Variants in DDX21 observed in about 807,000 individuals in gnomAD.
The protein encoded by DDX21 is DExD-box helicase 21.
DDX21 carries 18 observed loss-of-function variants against 90.0 expected under a neutral mutation model. The observed-to-expected ratio is 0.20, with a 90% CI of 0.14 to 0.30. DDX21 has a LOEUF of 0.30. Among genes scored for constraint, DDX21 ranks in the 10% least tolerant of loss-of-function variants. The pLI, the probability that DDX21 is intolerant of heterozygous loss-of-function variation, is 1.00. For missense variants in DDX21, 673 were observed against 944.5 expected, an observed-to-expected ratio of 0.71 and a Z score of 3.77; for synonymous variants, 294 against 318.0, an observed-to-expected ratio of 0.92 and a Z score of 0.80.
chr10:68,974,686 G>A lies in DDX21; in HGVS notation c.1685G>A (p.Arg562Gln), dbSNP rs771246089. Residue 562 changes from arginine to glutamine, a missense_variant, in exon 11 of 15, where the codon CGA (arginine) becomes CAA (glutamine). Around this residue, in one of 4 missense-constraint regions of DDX21, gnomAD observed 225 missense variants for 298.8 expected, o/e 0.75. Transcript: ENST00000354185. Reference sequence around the variant, plus strand: ...TTCCTGTAGGGAATTAAGTTCAAACGAATAGGTGTTCCTTCTGCAACAGAA... The same window carrying A: ...TTCCTGTAGGGAATTAAGTTCAAACAAATAGGTGTTCCTTCTGCAACAGAA... The part of the protein sequence containing the change: ...VEQKAGIKFK[R>Q]IGVPSATEII... 1.9e-6 allele frequency: 3 copies of A among 1,613,798 alleles called. No homozygotes were observed. The highest frequency in any genetic ancestry group is 2.7e-5 in the African/African-American group (2 of 74,902).
intron 11 of DDX21, among the ~76,000 whole-genome samples, chr10:68,975,998 G>A (rs138134238): frequency 0.037 from 5,443 of 149,118 alleles, 322 homozygotes; most frequent in African/African-American, 0.13. Context: ...GCAGTGGGCC[G>A]AGATCACACC....
In DDX21 at chr10:68,982,591, C is replaced by A. The variant is rs1843207242; in HGVS notation, c.2131C>A (p.Gln711Lys). The A allele has an allele frequency of 8.1e-6, 13 of 1,613,830 alleles. No individual in the cohort carries two copies. Among genetic ancestry groups the A allele is most frequent in the Non-Finnish European group, 1.1e-5 (13 of 1,179,822 alleles). Residue 711 changes from glutamine to lysine, a missense_variant, in exon 15 of 15, where the codon CAA becomes AAA. By Grantham distance (53) the Gln-to-Lys change is moderately conservative (BLOSUM62 1). Coordinates refer to ENST00000354185, the MANE Select transcript of DDX21 (RefSeq NM_004728.4). ...RRWQLSVATE[Q>K]PELEGPREGY... Reference sequence around the variant, plus strand: ...CTGGCAGCTCTCTGTGGCCACAGAGCAACCAGAACTGGAAGGACCACGGGA... The same window carrying A: ...CTGGCAGCTCTCTGTGGCCACAGAGAAACCAGAACTGGAAGGACCACGGGA...
chr10:68,980,543 G>C (rs1481010292), intron 13 of DDX21, among the ~76,000 whole-genome samples: 1 of 152,160 alleles, frequency 6.6e-6, no homozygotes, highest in East Asian at 1.9e-4. Flanking sequence ...CCACCAGTAG[G>C]TGATGATACC....
At chr10:68,956,473 G>A in intron 1 of DDX21, 161 bp downstream of exon 1, 1 of 1,453,078 alleles carries the variant, frequency 6.9e-7, no homozygotes, top group Non-Finnish European at 9.1e-7. Flanking sequence ...GGAGTGGTGC[G>A]CTCCCCGGGC....
intron 12 of DDX21, among the ~76,000 whole-genome samples, chr10:68,978,370 T>C (rs1438860836): frequency 6.6e-6 from 1 of 152,188 alleles, no homozygotes; most frequent in East Asian, 1.9e-4. Context: ...TACTTTCAAA[T>C]GGTGAATTTT....
intron 12 of DDX21, among the ~76,000 whole-genome samples, chr10:68,978,448 A>G (rs900844015): frequency 1.3e-5 from 2 of 152,264 alleles, no homozygotes; most frequent in Non-Finnish European, 2.9e-5. Context: ...ATAAATGCAT[A>G]TAATACATTT....
At chr10:68,964,173 C>CATA in intron 4 of DDX21, 1 of 402,510 alleles carries the variant, frequency 2.5e-6, no homozygotes. Context: ...GCCAAGCCCC[C>CATA]ATATTAGGGT....
rs528712900 is a variant in DDX21, at chr10:68,970,128, C to T, written c.1237-73C>T. 2.8e-6 allele frequency: 4 copies of T among 1,405,652 alleles called. No individual in the cohort carries two copies. In the Admixed American group the frequency reaches 5.9e-5, roughly 21 times the overall value. The allele number at this position is 1,405,652 out of a possible 1,614,324, so 87.1% of individuals were successfully genotyped here. On this transcript the variant is annotated intron_variant, in intron 7 of 14. Transcript: ENST00000354185. ...CATTAGAACATTAGTGTTGTGCTCA[C>T]TGATCATTGTGTTGTGATTTTAGTT... is the stretch of plus-strand genomic sequence containing the variant.
At chr10:68,980,143 G>A (rs1328037116) in intron 13 of DDX21, among the ~76,000 whole-genome samples, 5 of 152,166 alleles carry the variant, frequency 3.3e-5, no homozygotes, top group African/African-American at 7.2e-5. Context: ...AGGAGGCTGA[G>A]GCAGGAGAAT....
intron 13 of DDX21, among the ~76,000 whole-genome samples, chr10:68,979,743 T>C (rs1052986519): frequency 1.3e-5 from 2 of 152,222 alleles, no homozygotes; most frequent in African/African-American, 4.8e-5. Context: ...TGTCTAGCCA[T>C]GTTGTTATCT....
chr10:68,963,750 G>A (rs1386822479), intron 4 of DDX21, among the ~76,000 whole-genome samples: 1 of 151,788 alleles, frequency 6.6e-6, no homozygotes, highest in African/African-American at 2.4e-5. Flanking sequence ...ATGTCCCTGG[G>A]GCTCATAGCT....
intron 2 of DDX21, among the ~76,000 whole-genome samples, chr10:68,960,861 GT>G (rs1445321955): frequency 6.6e-6 from 1 of 151,846 alleles, no homozygotes; most frequent in Non-Finnish European, 1.5e-5. Context: ...GAGAGTCTTG[GT>G]CTGCTTATTT....
chr10:68,980,858 A>C (rs1431735760), intron 13 of DDX21, among the ~76,000 whole-genome samples: 3 of 146,090 alleles, frequency 2.1e-5, no homozygotes, highest in African/African-American at 7.5e-5. Context: ...AAAAAGCCAG[A>C]TGTAGTGGCA....
At chr10:68,957,041 CA>C (rs34149138) in intron 1 of DDX21, among the ~76,000 whole-genome samples, 285 of 138,008 alleles carry the variant, frequency 2.1e-3, no homozygotes, top group Non-Finnish European at 2.0e-3. Flanking sequence ...AACTCCATCT[CA>C]AAAAAAAAAA....
In DDX21 at chr10:68,983,050, TAC is replaced by T. The variant is rs1843218303; in HGVS notation, c.*240_*241del. On this transcript the variant is annotated 3_prime_UTR_variant, in exon 15 of 15. Coordinates refer to ENST00000354185, the MANE Select transcript of DDX21 (RefSeq NM_004728.4). ...CCTTTTGAAAGGTGTATGAATTCATTACATTTTTATTCTAATGTATTATCTGT... is the reference window on the plus strand; with the variant it reads ...CCTTTTGAAAGGTGTATGAATTCATTATTTTTATTCTAATGTATTATCTGT... The T allele has an allele frequency of 3.5e-6, 2 of 567,628 alleles. No individual in the cohort carries two copies. Among genetic ancestry groups the T allele is most frequent in the East Asian group, 6.1e-5 (2 of 32,728 alleles). The allele number at this position is 567,628 out of a possible 1,614,324, so 35.2% of individuals were successfully genotyped here. A position where few individuals can be genotyped will look rare whatever the true frequency, so the allele number is the denominator to read the frequency against.
At chr10:68,958,784 A>T (rs1842835004) in intron 1 of DDX21, among the ~76,000 whole-genome samples, 1 of 152,052 alleles carries the variant, frequency 6.6e-6, no homozygotes, top group South Asian at 2.1e-4. Flanking sequence ...TATATTGTCC[A>T]TGCTTGCCTG....
In DDX21 at chr10:68,974,879, GCTGGTCTCAACTC is replaced by G. The variant is rs776620681; in HGVS notation, c.1742+147_1742+159del. ...GACAGGGTCTCACTATGTTGCCCAG[GCTGGTCTCAACTC>G]CTGGTCTCAAGCAGTCCTCCCAGCT... On this transcript the variant is annotated intron_variant, in intron 11 of 14. Coordinates refer to ENST00000354185, the MANE Select transcript of DDX21 (RefSeq NM_004728.4). 1.1e-3 allele frequency: 691 copies of G among 616,130 alleles called. 2 individuals carry two copies. Among genetic ancestry groups the G allele is most frequent in the Non-Finnish European group, 1.5e-3 (532 of 365,722 alleles). 38.2% of individuals were successfully genotyped at this position (616,130 alleles called of 1,614,324 possible). A position where few individuals can be genotyped will look rare whatever the true frequency, so the allele number is the denominator to read the frequency against.
rs548370091 is a variant in DDX21, at chr10:68,962,266, T to C, written c.607+109T>C. 39 of 747,946 alleles carry C rather than the reference T, an allele frequency of 5.2e-5. No individual in the cohort carries two copies. The South Asian group carries it at 5.7e-4, about 11-fold the overall frequency. 46.3% of individuals were successfully genotyped at this position (747,946 alleles called of 1,614,324 possible). On this transcript the variant is annotated intron_variant, in intron 3 of 14. Transcript: ENST00000354185. Reference sequence around the variant, plus strand: ...GATGTATTCTTATTGTAGGCTGATATATGCAGTCATATAATGAAGTAGGCC... The same window carrying C: ...GATGTATTCTTATTGTAGGCTGATACATGCAGTCATATAATGAAGTAGGCC...
intron 14 of DDX21, 69 bp from the exon 15 acceptor site, chr10:68,982,474 G>GT: frequency 6.5e-7 from 1 of 1,535,196 alleles, no homozygotes; most frequent in East Asian, 2.3e-5. Context: ...CAAATATTTT[G>GT]TTTTTCTCAT....
Sources: gnomAD v4.1 joint callset for allele counts (sites outside exome capture counted in the v4.1 genomes callset) on GRCh38, gnomAD v4.1.1 for gene constraint, gnomAD v4.1.1 regional missense constraint, MANE v1.5 for transcripts, NCBI Gene and HGNC (gene_info 2026-07-23, HGNC 2026-07-21) for gene names.